PHACTR3: variants seen among roughly 807,000 people sequenced by gnomAD.
PHACTR3 encodes phosphatase and actin regulator 3, also known as protein phosphatase 1, regulatory subunit 123.
In PHACTR3, 16 loss-of-function variants were observed where a neutral mutation model predicts 66.8. That is an observed-to-expected ratio of 0.24 (90% CI 0.16 to 0.36). PHACTR3 has a LOEUF of 0.36. Ranked by LOEUF, PHACTR3 falls within the 10% of genes least tolerant of loss-of-function variation. The probability of loss-of-function intolerance (pLI) is 1.00; values close to 1 mark genes in which losing one functional copy is unlikely to be tolerated. For missense variants in PHACTR3, 647 were observed against 719.9 expected, an observed-to-expected ratio of 0.90 and a Z score of 1.16; for synonymous variants, 323 against 292.1, an observed-to-expected ratio of 1.11 and a Z score of -1.08.
At chr20:59,642,596 A>G (rs2035145618) in intron 1 of PHACTR3, among the ~76,000 whole-genome samples, 1 of 152,144 alleles carries the variant, frequency 6.6e-6, no homozygotes, top group Non-Finnish European at 1.5e-5. Flanking sequence ...CAGAATAGGA[A>G]TTTGCCACCA....
At chr20:59,814,127 G>C (rs1235585616) in intron 8 of PHACTR3, among the ~76,000 whole-genome samples, 1 of 152,186 alleles carries the variant, frequency 6.6e-6, no homozygotes, top group Non-Finnish European at 1.5e-5. Flanking sequence ...AGCAGCCAGG[G>C]CTCCCTGGGG....
intron 1 of PHACTR3, among the ~76,000 whole-genome samples, chr20:59,641,399 G>C (rs1278993012): frequency 2.0e-5 from 3 of 152,186 alleles, no homozygotes; most frequent in African/African-American, 4.8e-5. Flanking sequence ...TGTAGTTCTA[G>C]TGCGAGTTTG....
At chr20:59,656,741 G>T (rs1349464871) in intron 1 of PHACTR3, among the ~76,000 whole-genome samples, 2 of 149,718 alleles carry the variant, frequency 1.3e-5, no homozygotes. Context: ...TGCTTTATTT[G>T]GCCTTAAATG....
At chr20:59,735,536 G>T (rs949388331) in intron 1 of PHACTR3, among the ~76,000 whole-genome samples, 16 of 152,050 alleles carry the variant, frequency 1.1e-4, no homozygotes, top group African/African-American at 3.9e-4. Context: ...GATAAGATAA[G>T]ATATCTTAGT....
At chr20:59,769,068 C>G (rs2040280544) in intron 5 of PHACTR3, among the ~76,000 whole-genome samples, 1 of 152,236 alleles carries the variant, frequency 6.6e-6, no homozygotes, top group Non-Finnish European at 1.5e-5. Flanking sequence ...TTCTCCCTGA[C>G]AGAACATTCT....
At chr20:59,791,592 TTC>T (rs2041097907) in intron 7 of PHACTR3, among the ~76,000 whole-genome samples, 1 of 152,000 alleles carries the variant, frequency 6.6e-6, no homozygotes, top group South Asian at 2.1e-4. Flanking sequence ...CTTTTCTTTT[TTC>T]TTTTTTTTTT....
intron 1 of PHACTR3, among the ~76,000 whole-genome samples, chr20:59,618,868 C>T (rs1600929085): frequency 1.3e-5 from 2 of 152,116 alleles, no homozygotes; most frequent in East Asian, 3.9e-4. Flanking sequence ...GAGCCTGGAA[C>T]TGTTTAGAGA....
chr20:59,632,278 T>C (rs768785761), intron 1 of PHACTR3, among the ~76,000 whole-genome samples: 29 of 152,288 alleles, frequency 1.9e-4, no homozygotes, highest in Non-Finnish European at 3.4e-4. Flanking sequence ...TGCGTCTGGC[T>C]GGGAAAAGGT....
At chr20:59,746,454 G>A (rs141888122) in intron 2 of PHACTR3, among the ~76,000 whole-genome samples, 2 of 152,352 alleles carry the variant, frequency 1.3e-5, no homozygotes, top group East Asian at 3.9e-4. Context: ...CTCAGTAAAT[G>A]TGTAAGGGGT....
Position 59,736,638 on chromosome 20 carries a change from C to T in PHACTR3, c.119-6469C>T, listed in dbSNP as rs759916159. Among the ~76,000 whole-genome samples the T allele has an allele frequency of 1.2e-4, 19 of 152,170 alleles. 1 individual carries two copies. Among genetic ancestry groups the T allele is most frequent in the Non-Finnish European group, 4.4e-5 (3 of 68,018 alleles). On this transcript the variant is annotated intron_variant, in intron 1 of 12. Transcript: ENST00000371015. This position sits in a 1 kb window ranked among gnomAD's most constrained non-coding sequence, Gnocchi z 4.6. The stretch of plus-strand genomic sequence containing the variant: ...ACCTACCCACTCTGTGCACACCTGC[C>T]CACCAGCATCCGCAGGCCACACCGT...
intron 1 of PHACTR3, among the ~76,000 whole-genome samples, chr20:59,655,453 T>G (rs2035586881): frequency 6.6e-6 from 1 of 151,990 alleles, no homozygotes; most frequent in Non-Finnish European, 1.5e-5. Context: ...TGCAGTTATT[T>G]ATAGTATTCC....
rs530340403 is a variant in PHACTR3, at chr20:59,784,370, T to TA, written c.1174+9881dup. Among the ~76,000 whole-genome samples, 9 of 152,236 alleles carry TA rather than the reference T, an allele frequency of 5.9e-5. No individual in the cohort carries two copies. The East Asian group carries it at 1.7e-3, about 29-fold the overall frequency. ...ATGTGTATGTACAAACATGTATGTG[T>TA]ATGCATATGTATATGTGTGTGTGGT... On this transcript the variant is annotated intron_variant, in intron 7 of 12. Coordinates refer to ENST00000371015, the MANE Select transcript of PHACTR3 (RefSeq NM_080672.5).
chr20:59,800,767 A>G (rs1353597897), intron 7 of PHACTR3, among the ~76,000 whole-genome samples: 2 of 152,156 alleles, frequency 1.3e-5, no homozygotes, highest in African/African-American at 2.4e-5. Context: ...ATTCCTATAA[A>G]TACTCTTGAG....
intron 1 of PHACTR3, among the ~76,000 whole-genome samples, chr20:59,649,791 T>TAAAATAATGTAAA (rs2035401627): frequency 6.6e-6 from 1 of 152,198 alleles, no homozygotes; most frequent in African/African-American, 2.4e-5. Context: ...CAATCAATGT[T>TAAAATAATGTAAA]TACTTTACAT....
At chr20:59,750,152 C>T (rs2039523723) in intron 3 of PHACTR3, among the ~76,000 whole-genome samples, 1 of 151,856 alleles carries the variant, frequency 6.6e-6, no homozygotes, top group Non-Finnish European at 1.5e-5. Flanking sequence ...GCCGGCAACT[C>T]ACGACCACAG....
intron 9 of PHACTR3, among the ~76,000 whole-genome samples, chr20:59,838,685 TG>T (rs2059007802): frequency 6.6e-6 from 1 of 152,210 alleles, no homozygotes; most frequent in African/African-American, 2.4e-5. Flanking sequence ...TCTTAACTAC[TG>T]CATCAGAAGC....
chr20:59,823,602 A>G (rs1312273582), intron 8 of PHACTR3, among the ~76,000 whole-genome samples: 1 of 152,216 alleles, frequency 6.6e-6, no homozygotes, highest in Non-Finnish European at 1.5e-5. Context: ...GCTCTAAACA[A>G]AGGCTGGATG....
intron 1 of PHACTR3, among the ~76,000 whole-genome samples, chr20:59,623,567 A>G (rs2034338740): frequency 6.6e-6 from 1 of 152,178 alleles, no homozygotes; most frequent in African/African-American, 2.4e-5. Context: ...TGTTTGTAAT[A>G]TGAAGGGAAA....
chr20:59,590,643 A>G (rs1200459870), intron 1 of PHACTR3, among the ~76,000 whole-genome samples: 1 of 152,192 alleles, frequency 6.6e-6, no homozygotes, highest in Admixed American at 6.5e-5. Flanking sequence ...AAGGAGCTCT[A>G]CTGGTTCCTG....
Sources: gnomAD v4.1 joint callset for allele counts (sites outside exome capture counted in the v4.1 genomes callset) on GRCh38, gnomAD v4.1.1 for gene constraint, Gnocchi (gnomAD v3.1) non-coding constraint, MANE v1.5 for transcripts, NCBI Gene and HGNC (gene_info 2026-07-23, HGNC 2026-07-21) for gene names.